SHISA9: variants seen among roughly 807,000 people sequenced by gnomAD.
SHISA9 encodes the protein protein shisa-9.
In SHISA9, 13 loss-of-function variants were observed where a neutral mutation model predicts 38.0. The ratio of observed to expected loss-of-function variants is 0.34; its 90% confidence interval spans 0.22 to 0.54. The LOEUF (loss-of-function observed/expected upper bound fraction) is 0.54. SHISA9 is among the 20% of genes least tolerant of loss of function. The probability of loss-of-function intolerance (pLI) is 0.91; values close to 1 mark genes in which losing one functional copy is unlikely to be tolerated. For missense variants in SHISA9, 538 were observed against 575.8 expected, an observed-to-expected ratio of 0.93 and a Z score of 0.67; for synonymous variants, 275 against 242.0, an observed-to-expected ratio of 1.14 and a Z score of -1.27.
chr16:12,952,169 C>T (rs1483438434), intron 2 of SHISA9, among the ~76,000 whole-genome samples: 3 of 152,174 alleles, frequency 2.0e-5, no homozygotes, highest in African/African-American at 4.8e-5. Context: ...CTAATTAATA[C>T]AAAATCCTGG....
chr16:13,082,078 C>A (rs535286558), intron 2 of SHISA9, among the ~76,000 whole-genome samples: 1 of 152,136 alleles, frequency 6.6e-6, no homozygotes, highest in Non-Finnish European at 1.5e-5. Context: ...ACAACGACTA[C>A]AACAACAACA....
chr16:12,913,043 CCTTT>C (rs773493169), intron 1 of SHISA9, among the ~76,000 whole-genome samples: 3 of 148,834 alleles, frequency 2.0e-5, no homozygotes, highest in Non-Finnish European at 4.4e-5. Flanking sequence ...ATCTCTCCCT[CCTTT>C]CTATTTGTAA....
intron 4 of SHISA9, among the ~76,000 whole-genome samples, chr16:13,229,137 G>A (rs181563883): frequency 1.1e-4 from 17 of 152,318 alleles, no homozygotes; most frequent in South Asian, 4.1e-4. Context: ...TCCAGCCTGG[G>A]TGACAGAGCG....
At chr16:12,989,134 G>A (rs1031238622) in intron 2 of SHISA9, among the ~76,000 whole-genome samples, 12 of 152,154 alleles carry the variant, frequency 7.9e-5, no homozygotes, top group Non-Finnish European at 1.6e-4. Context: ...TAGATGCTTT[G>A]AAACAGAAAT....
chr16:13,294,881 G>A, the SHISA9 span, among the ~76,000 whole-genome samples: 1 of 152,182 alleles, frequency 6.6e-6, no homozygotes, highest in Non-Finnish European at 1.5e-5. Flanking sequence ...AGCACGTCCA[G>A]AGTTAATAGC....
At chr16:13,313,254 C>CAAAAA in the SHISA9 span, among the ~76,000 whole-genome samples, 103 of 49,654 alleles carry the variant, frequency 2.1e-3, no homozygotes, top group African/African-American at 6.5e-3. Context: ...GACTCCGTCT[C>CAAAAA]AAAAAAAAAA....
At chr16:13,173,596 A>G (rs1318497762) in intron 2 of SHISA9, among the ~76,000 whole-genome samples, 1 of 152,184 alleles carries the variant, frequency 6.6e-6, no homozygotes, top group Non-Finnish European at 1.5e-5. Flanking sequence ...AACAATGCCT[A>G]GAGACATTTT....
At chr16:13,423,782 A>G in the SHISA9 span, among the ~76,000 whole-genome samples, 2 of 152,164 alleles carry the variant, frequency 1.3e-5, no homozygotes, top group African/African-American at 4.8e-5. Flanking sequence ...AGACTGTTGA[A>G]TTCAGTTCTT....
At chr16:13,340,321 C>T in the SHISA9 span, among the ~76,000 whole-genome samples, 2 of 152,190 alleles carry the variant, frequency 1.3e-5, no homozygotes, top group East Asian at 3.8e-4. Flanking sequence ...CAGATGCTTC[C>T]TCTTCTAAAG....
chr16:13,186,221 G>A (rs1596711819), intron 2 of SHISA9, among the ~76,000 whole-genome samples: 1 of 145,484 alleles, frequency 6.9e-6, no homozygotes, highest in South Asian at 2.2e-4. Flanking sequence ...GCACATTGTT[G>A]TGTGTGTGTG....
At position 13,024,747 on chromosome 16, in the gene SHISA9, C is replaced by T. The variant is rs570653650; in HGVS notation, c.691+107932C>T. On this transcript the variant is annotated intron_variant, in intron 2 of 4. Transcript: ENST00000558583. ...GGTGACAATACCCATTTCCACAGAG[C>T]TTCCACATACGGCACTTTGAACAAT... Among the ~76,000 whole-genome samples, 35 of 152,306 alleles carry T rather than the reference C, an allele frequency of 2.3e-4. No individual in the cohort carries two copies. In the East Asian group the frequency reaches 4.4e-3, roughly 19 times the overall value.
At chr16:13,017,703 AG>A (rs2072774419) in intron 2 of SHISA9, among the ~76,000 whole-genome samples, 3 of 152,160 alleles carry the variant, frequency 2.0e-5, no homozygotes, top group Admixed American at 1.3e-4. Flanking sequence ...AGAAAAACTG[AG>A]GTTTAGAATA....
chr16:13,240,748 C>T (rs981264096), downstream of SHISA9, among the ~76,000 whole-genome samples: 11 of 152,208 alleles, frequency 7.2e-5, no homozygotes, highest in African/African-American at 2.2e-4. Context: ...TAGTTTTGAA[C>T]GCTGATCAGG....
At chr16:13,013,321 C>G (rs567864417) in intron 2 of SHISA9, among the ~76,000 whole-genome samples, 1 of 152,306 alleles carries the variant, frequency 6.6e-6, no homozygotes, top group East Asian at 1.9e-4. Context: ...TCAAGGACGC[C>G]TATAGCCCTT....
chr16:13,542,468 A>G, the SHISA9 span, among the ~76,000 whole-genome samples: 3 of 152,320 alleles, frequency 2.0e-5, no homozygotes, highest in Admixed American at 1.3e-4. Flanking sequence ...CAGAGAGGGT[A>G]AGTGAGTCAC....
chr16:13,343,794 A>T, the SHISA9 span, among the ~76,000 whole-genome samples: 1 of 152,158 alleles, frequency 6.6e-6, no homozygotes, highest in East Asian at 1.9e-4. Context: ...ATGATCTTTA[A>T]TTAGATCAAT....
chr16:13,322,688 C>G, the SHISA9 span, among the ~76,000 whole-genome samples: 1 of 152,182 alleles, frequency 6.6e-6, no homozygotes, highest in Admixed American at 6.5e-5. Flanking sequence ...ACTCTCGCAT[C>G]CCCATCCATC....
chr16:13,198,889 A>T (rs1345559943), intron 2 of SHISA9, among the ~76,000 whole-genome samples: 1 of 152,142 alleles, frequency 6.6e-6, no homozygotes. Context: ...TTTGAGAGGG[A>T]TCGCTTTGGT....
chr16:13,378,572 TAGAG>T, the SHISA9 span, among the ~76,000 whole-genome samples: 1 of 152,198 alleles, frequency 6.6e-6, no homozygotes, highest in African/African-American at 2.4e-5. Context: ...CTGAATCATA[TAGAG>T]AAATCGAGAG....
Sources: allele counts gnomAD v4.1 joint callset (sites outside exome capture counted in the v4.1 genomes callset), GRCh38; gene constraint gnomAD v4.1.1; transcripts MANE v1.5; gene names NCBI Gene and HGNC (gene_info 2026-07-23, HGNC 2026-07-21).